The following CDH13 variants were observed in gnomAD, a reference collection of about 807,000 sequenced individuals.
CDH13 encodes the protein cadherin 13.
CDH13 carries 24 observed loss-of-function variants against 63.8 expected under a neutral mutation model. That is an observed-to-expected ratio of 0.38 (90% CI 0.27 to 0.53). The LOEUF is 0.53. Among genes scored for constraint, CDH13 ranks in the 20% least tolerant of loss-of-function variants. CDH13 has a pLI of 0.85. For missense variants in CDH13, 1,049 were observed against 903.1 expected, an observed-to-expected ratio of 1.16 and a Z score of -2.07; for synonymous variants, 503 against 355.3, an observed-to-expected ratio of 1.42 and a Z score of -4.67.
chr16:83,114,908 A>G (rs181145203), intron 3 of CDH13, among the ~76,000 whole-genome samples: 80 of 152,364 alleles, frequency 5.3e-4, no homozygotes, highest in Non-Finnish European at 8.8e-4. Flanking sequence ...CAATGAGATC[A>G]GCTGCAAGAA....
intron 2 of CDH13, among the ~76,000 whole-genome samples, chr16:82,967,690 G>A (rs973244656): frequency 8.5e-5 from 13 of 152,162 alleles, no homozygotes; most frequent in Admixed American, 7.2e-4. Flanking sequence ...AGTTGGTTCC[G>A]GCAGTTGTTG....
intron 3 of CDH13, among the ~76,000 whole-genome samples, chr16:83,083,405 G>A (rs1424269628): frequency 1.3e-5 from 2 of 152,296 alleles, no homozygotes; most frequent in East Asian, 3.9e-4. Context: ...GGCAAAACAA[G>A]TGAACACAAT....
At chr16:82,661,238 TC>T (rs1911908536) in intron 1 of CDH13, among the ~76,000 whole-genome samples, 1 of 152,220 alleles carries the variant, frequency 6.6e-6, no homozygotes, top group Non-Finnish European at 1.5e-5. Flanking sequence ...AATGAGATAG[TC>T]CTGAGGACAC....
chr16:83,662,336 A>T (rs909019593), intron 8 of CDH13, among the ~76,000 whole-genome samples: 4 of 152,218 alleles, frequency 2.6e-5, no homozygotes, highest in African/African-American at 9.6e-5. Context: ...TCTTTGCATG[A>T]TGGAGATAAC....
intron 6 of CDH13, among the ~76,000 whole-genome samples, chr16:83,414,054 A>G (rs772198250): frequency 6.6e-6 from 1 of 152,172 alleles, no homozygotes; most frequent in African/African-American, 2.4e-5. Context: ...AAATTAGACA[A>G]TACTTGATTC....
chr16:83,115,595 C>T (rs1473714865), intron 3 of CDH13, among the ~76,000 whole-genome samples: 2 of 152,242 alleles, frequency 1.3e-5, no homozygotes, highest in African/African-American at 4.8e-5. Flanking sequence ...AGTCTTCTTA[C>T]CTTGACTTAC....
intron 1 of CDH13, among the ~76,000 whole-genome samples, chr16:82,682,704 A>C (rs185826178): frequency 6.6e-6 from 1 of 152,198 alleles, no homozygotes; most frequent in Non-Finnish European, 1.5e-5. Context: ...GGTGGACACA[A>C]AGTAATTGAG....
At chr16:83,280,968 A>G (rs796725122) in intron 5 of CDH13, among the ~76,000 whole-genome samples, 43 of 152,312 alleles carry the variant, frequency 2.8e-4, no homozygotes, top group African/African-American at 1.0e-3. Flanking sequence ...AGATTTTGTT[A>G]TTCCATTTAT....
chr16:83,388,060 G>A (rs573106892), intron 6 of CDH13, among the ~76,000 whole-genome samples: 2 of 152,232 alleles, frequency 1.3e-5, no homozygotes, highest in East Asian at 3.9e-4. Context: ...CACCTACTCT[G>A]ACAGAGACCA....
At chr16:83,064,886 A>G (rs1048078174) in intron 3 of CDH13, among the ~76,000 whole-genome samples, 23 of 152,234 alleles carry the variant, frequency 1.5e-4, no homozygotes, top group African/African-American at 5.3e-4. Flanking sequence ...TCTCTTAGTT[A>G]TTTTGAAATA....
chr16:83,334,000 C>A (rs138819774), intron 5 of CDH13, among the ~76,000 whole-genome samples: 1 of 152,042 alleles, frequency 6.6e-6, no homozygotes, highest in South Asian at 2.1e-4. Flanking sequence ...TCAAGGTGTC[C>A]GCAGGGCTAC....
At chr16:83,315,032 T>C (rs954264488) in intron 5 of CDH13, among the ~76,000 whole-genome samples, 2 of 152,226 alleles carry the variant, frequency 1.3e-5, no homozygotes, top group South Asian at 2.1e-4. Context: ...AAGGCACTTA[T>C]ATTCAACTAC....
intron 2 of CDH13, among the ~76,000 whole-genome samples, chr16:83,006,920 G>GTTTTTT (rs1388258642): frequency 1.3e-4 from 16 of 125,698 alleles, no homozygotes; most frequent in Non-Finnish European, 1.8e-4. Context: ...TTGTTTGTTT[G>GTTTTTT]TTTGTTTGTT....
chr16:83,010,280 T>C (rs1196996784), intron 2 of CDH13, among the ~76,000 whole-genome samples: 1 of 152,030 alleles, frequency 6.6e-6, no homozygotes, highest in South Asian at 2.1e-4. Context: ...AATCCCATCA[T>C]TTTTGCAAGA....
At chr16:83,164,418 T>C (rs1197727185) in intron 4 of CDH13, among the ~76,000 whole-genome samples, 1 of 152,014 alleles carries the variant, frequency 6.6e-6, no homozygotes, top group African/African-American at 2.4e-5. Context: ...GGAAGCATCA[T>C]TTATTGAAAA....
intron 5 of CDH13, among the ~76,000 whole-genome samples, chr16:83,237,920 A>C (rs1904277530): frequency 6.6e-6 from 1 of 152,208 alleles, no homozygotes; most frequent in Non-Finnish European, 1.5e-5. Flanking sequence ...CTTTGAGAAA[A>C]TGAGGTACAG....
At chr16:83,019,109 A>C (rs2151450859) in intron 2 of CDH13, among the ~76,000 whole-genome samples, 1 of 152,350 alleles carries the variant, frequency 6.6e-6, no homozygotes, top group South Asian at 2.1e-4. Context: ...AGCTTACTGT[A>C]ACTTTTTTAC....
intron 1 of CDH13, chr16:82,719,455 G>A: frequency 2.2e-6 from 1 of 455,822 alleles, no homozygotes; most frequent in Non-Finnish European, 4.4e-6. Context: ...ACTTGCAGAA[G>A]GAAGGAATGA....
chr16:83,324,198 A>C (rs1374403881), intron 5 of CDH13, among the ~76,000 whole-genome samples: 3 of 152,028 alleles, frequency 2.0e-5, no homozygotes, highest in African/African-American at 7.2e-5. Flanking sequence ...CACCATGCCC[A>C]ACTAATTTTT....
Sources: allele counts gnomAD v4.1 joint callset (sites outside exome capture counted in the v4.1 genomes callset), GRCh38; gene constraint gnomAD v4.1.1; transcripts MANE v1.5; gene names NCBI Gene and HGNC (gene_info 2026-07-23, HGNC 2026-07-21).